Variants in FYB2 observed in about 807,000 individuals in gnomAD.
FYB2 encodes FYN-binding protein 2.
Under a neutral mutation model 94.1 loss-of-function variants are expected in FYB2, and 103 were observed. The observed-to-expected ratio is 1.09, with a 90% CI of 0.93 to 1.29. FYB2 has a LOEUF of 1.29. Ranked by LOEUF, FYB2 falls within the 50% of genes most tolerant of loss-of-function variation. The probability of loss-of-function intolerance (pLI) is 0.00; values close to 1 mark genes in which losing one functional copy is unlikely to be tolerated. For synonymous variants in FYB2, 293 were observed against 287.9 expected (o/e 1.02, Z -0.18); for missense variants, 896 against 841.5 (o/e 1.06, Z -0.80).
Position 56,740,702 on chromosome 1 carries a change from G to A in FYB2, c.1698C>T (p.Asn566=), listed in dbSNP as rs770243075. The A allele has an allele frequency of 4.4e-6, 7 of 1,587,076 alleles. No homozygotes were observed. The Admixed American group carries it at 1.0e-4, about 23-fold the overall frequency. The part of the protein sequence containing the change: ...FKIKKTKSKE[N]LSAFSILLPD... ...GATTTAAAGGGACTTTTTACCTTAA[G>A]TTTTCTTTCGACTTGGTTTTCTTTA... Residue 566 remains asparagine (N), a synonymous_variant, in exon 13 of 20, where the codon AAC becomes AAT. Transcript: ENST00000343433.
chr1:56,811,119 C>T (rs948135505), intron 1 of FYB2, among the ~76,000 whole-genome samples: 42 of 152,050 alleles, frequency 2.8e-4, no homozygotes, highest in African/African-American at 8.9e-4. Context: ...GGGGAGGGAC[C>T]GTCATCAGGC....
chr1:56,741,114 T>C (rs1935554), intron 12 of FYB2, among the ~76,000 whole-genome samples: 20,237 of 151,720 alleles, frequency 0.13, 1,452 homozygotes, highest in East Asian at 0.23. Context: ...TCTGAGTCCA[T>C]AAAAAAAATA....
At chr1:56,794,481 C>T (rs955853034) in intron 1 of FYB2, among the ~76,000 whole-genome samples, 1 of 152,158 alleles carries the variant, frequency 6.6e-6, no homozygotes. Context: ...ATGGCAGTGA[C>T]TTTTGATTTT....
intron 1 of FYB2, among the ~76,000 whole-genome samples, chr1:56,816,744 C>T (rs866638048): frequency 1.3e-5 from 2 of 152,188 alleles, no homozygotes; most frequent in African/African-American, 2.4e-5. Context: ...AAACATATTA[C>T]GTCTAAAACC....
At chr1:56,735,690 A>C (rs533575805) in intron 15 of FYB2, among the ~76,000 whole-genome samples, 1 of 151,988 alleles carries the variant, frequency 6.6e-6, no homozygotes, top group Non-Finnish European at 1.5e-5. Context: ...ATGGCTTTAT[A>C]AGGGGTTCTT....
intron 8 of FYB2, among the ~76,000 whole-genome samples, chr1:56,752,057 G>A (rs1645212191): frequency 1.3e-5 from 2 of 151,962 alleles, no homozygotes; most frequent in Admixed American, 6.6e-5. Context: ...AGGCACAGGG[G>A]ATTTGGGGAA....
At chr1:56,747,429 C>T (rs6662376) in intron 9 of FYB2, among the ~76,000 whole-genome samples, 33,641 of 151,692 alleles carry the variant, frequency 0.22, 4,526 homozygotes, top group African/African-American at 0.37. Context: ...CTGACAGGCC[C>T]CAGTATGTGA....
intron 4 of FYB2, among the ~76,000 whole-genome samples, chr1:56,772,913 A>C (rs1645793688): frequency 6.6e-6 from 1 of 152,188 alleles, no homozygotes; most frequent in South Asian, 2.1e-4. Context: ...ACATCTTGTA[A>C]AATTTTTTAT....
At chr1:56,811,969 T>C (rs1339055002) in intron 1 of FYB2, among the ~76,000 whole-genome samples, 1 of 152,098 alleles carries the variant, frequency 6.6e-6, no homozygotes, top group East Asian at 1.9e-4. Flanking sequence ...GATCACACTC[T>C]GGTCTTTGAG....
intron 4 of FYB2, among the ~76,000 whole-genome samples, chr1:56,771,385 T>C (rs1228678726): frequency 6.6e-6 from 1 of 152,172 alleles, no homozygotes; most frequent in Middle Eastern, 3.2e-3. Context: ...GTGTCATTTA[T>C]ACAAAAATTT....
rs186723539 is a variant in FYB2 at position 56,728,641 on chromosome 1, G to A, written c.1794-2058C>T. On this transcript the variant is annotated intron_variant, in intron 15 of 19. Transcript: ENST00000343433. Reference sequence around the variant, plus strand: ...ATAGCCAGGCAAAAAACATGGCAAAGTGTGTTACAGGTAGAACTATTCTTT... The same window carrying A: ...ATAGCCAGGCAAAAAACATGGCAAAATGTGTTACAGGTAGAACTATTCTTT... 4.0e-4 allele frequency among the ~76,000 whole-genome samples: 61 copies of A among 152,230 alleles called. No individual in the cohort carries two copies. The East Asian group carries it at 0.011, about 28-fold the overall frequency.
intron 3 of FYB2, among the ~76,000 whole-genome samples, chr1:56,787,858 C>T (rs1354901791): frequency 1.3e-5 from 2 of 152,152 alleles, no homozygotes; most frequent in African/African-American, 2.4e-5. Flanking sequence ...ATATTTGAGG[C>T]CTGAATTATT....
chr1:56,733,672 C>G (rs1368686337), intron 15 of FYB2, among the ~76,000 whole-genome samples: 2 of 151,254 alleles, frequency 1.3e-5, no homozygotes, highest in Non-Finnish European at 3.0e-5. Context: ...CTTTATTTAC[C>G]CAGTAATCAT....
chr1:56,765,234 G>A (rs1645594234), intron 5 of FYB2, among the ~76,000 whole-genome samples: 1 of 152,124 alleles, frequency 6.6e-6, no homozygotes, highest in Non-Finnish European at 1.5e-5. Context: ...GGAGAGGGTG[G>A]CCTTCTTACT....
rs560984391 is a variant in FYB2 at position 56,719,349 on chromosome 1, G to A, written c.*322C>T. ...TAACCATCTGCACAACTGACTAGGTGCCATAAGGCATGATTTCTAACTTTG... is the reference window on the plus strand; with the variant it reads ...TAACCATCTGCACAACTGACTAGGTACCATAAGGCATGATTTCTAACTTTG... On this transcript the variant is annotated 3_prime_UTR_variant, in exon 20 of 20. Transcript: ENST00000343433. 7.6e-6 allele frequency: 2 copies of A among 261,748 alleles called. No homozygotes were observed. Among genetic ancestry groups the A allele is most frequent in the South Asian group, 1.1e-4 (1 of 9,076 alleles). 16.2% of individuals were successfully genotyped at this position (261,748 alleles called of 1,614,324 possible).
At chr1:56,806,655 T>C (rs1342373) in intron 1 of FYB2, among the ~76,000 whole-genome samples, 5,713 of 152,214 alleles carry the variant, frequency 0.038, 197 homozygotes, top group East Asian at 0.18. Context: ...CACAGGCCTA[T>C]AGAGAACCCC....
Position 56,738,640 on chromosome 1 carries a change from A to G in FYB2, c.1717T>C (p.Leu573=). 1 of 1,611,052 alleles carries G rather than the reference A, an allele frequency of 6.2e-7. No individual in the cohort carries two copies. Residue 573 remains leucine, a synonymous_variant, in exon 14 of 20, where the codon TTG becomes CTG. Transcript: ENST00000343433. The part of the protein sequence containing the change: ...SKENLSAFSI[L]LPDLELKSQE... ...TGGCACTTACCTAAATCAGGCAGCAAAATGGAAAATGCACTGTTGATTGAC... is the reference window on the plus strand; with the variant it reads ...TGGCACTTACCTAAATCAGGCAGCAGAATGGAAAATGCACTGTTGATTGAC...
intron 1 of FYB2, among the ~76,000 whole-genome samples, chr1:56,797,922 T>C (rs1395181068): frequency 6.6e-6 from 1 of 152,174 alleles, no homozygotes; most frequent in East Asian, 1.9e-4. Context: ...AGGTGGGTAC[T>C]TTGTTTGTAT....
intron 17 of FYB2, chr1:56,720,597 C>T (rs541912398): frequency 5.7e-4 from 144 of 254,774 alleles, no homozygotes; most frequent in Non-Finnish European, 9.7e-4. Flanking sequence ...TATTTTTTCT[C>T]TCAAATCTTT....
Sources: allele counts gnomAD v4.1 joint callset (sites outside exome capture counted in the v4.1 genomes callset), GRCh38; gene constraint gnomAD v4.1.1; transcripts MANE v1.5; gene names NCBI Gene and HGNC (gene_info 2026-07-23, HGNC 2026-07-21).